CSMD3: variants seen among roughly 807,000 people sequenced by gnomAD.
CSMD3 encodes the protein CUB and sushi domain-containing protein 3.
In CSMD3, 177 loss-of-function variants were observed where a neutral mutation model predicts 435.2. The observed-to-expected ratio is 0.41, with a 90% CI of 0.36 to 0.46. The LOEUF (loss-of-function observed/expected upper bound fraction) is 0.46. Among genes scored for constraint, CSMD3 ranks in the 20% least tolerant of loss-of-function variants. CSMD3 has a pLI of 0.34. For synonymous variants in CSMD3, 1,656 were observed against 1,520.5 expected, an observed-to-expected ratio of 1.09 and a Z score of -2.07; for missense variants, 4,265 against 4,504.6, an observed-to-expected ratio of 0.95 and a Z score of 1.52.
chr8:112,799,109 G>A (rs962062236), intron 13 of CSMD3, among the ~76,000 whole-genome samples: 5 of 151,694 alleles, frequency 3.3e-5, no homozygotes, highest in Non-Finnish European at 5.9e-5. Context: ...AAATTGAGGA[G>A]GAATATATTA....
intron 32 of CSMD3, among the ~76,000 whole-genome samples, chr8:112,410,835 C>T (rs1238162128): frequency 7.4e-5 from 11 of 148,636 alleles, no homozygotes; most frequent in Non-Finnish European, 1.3e-4. Context: ...CATTGCCTTA[C>T]AAAGTAGCCG....
chr8:113,046,127 A>G (rs974168263), intron 5 of CSMD3, among the ~76,000 whole-genome samples: 2 of 149,040 alleles, frequency 1.3e-5, no homozygotes, highest in Admixed American at 1.3e-4. Flanking sequence ...AAGCGCTTCC[A>G]CTATTCTCAT....
chr8:112,224,709 C>T lies in CSMD3; in HGVS notation c.*62G>A, dbSNP rs1812412636. Reference sequence around the variant, plus strand: ...GTGCTTTAATTTGTTTAGCAGTGAACTAAATGTGCACTGTTTTGTGTGTCG... The same window carrying T: ...GTGCTTTAATTTGTTTAGCAGTGAATTAAATGTGCACTGTTTTGTGTGTCG... On this transcript the variant is annotated 3_prime_UTR_variant, in exon 71 of 71. Coordinates refer to ENST00000297405, the MANE Select transcript of CSMD3 (RefSeq NM_198123.2). 1.9e-6 allele frequency: 3 copies of T among 1,556,818 alleles called. No homozygotes were observed. The highest frequency in any genetic ancestry group is 4.5e-5 in the East Asian group (2 of 44,600).
rs992052619 is a variant in CSMD3, at chr8:112,374,590, A to G, written c.6136+5762T>C. On this transcript the variant is annotated intron_variant, in intron 38 of 70. Transcript: ENST00000297405. ...GATTTGATAAAATTATTATTTTTCT[A>G]TATCTTTAAAGGCTTTTTGTAGTGC... Among the ~76,000 whole-genome samples, 6 of 152,128 alleles carry G rather than the reference A, an allele frequency of 3.9e-5. No homozygotes were observed. In the South Asian group the frequency reaches 1.2e-3, roughly 31 times the overall value.
At chr8:112,434,360 G>T (rs1814074811) in intron 32 of CSMD3, among the ~76,000 whole-genome samples, 1 of 152,094 alleles carries the variant, frequency 6.6e-6, no homozygotes, top group East Asian at 1.9e-4. Flanking sequence ...TTGGTTGTTT[G>T]ATTTATAAAT....
At chr8:112,672,723 T>C (rs1050531966) in intron 16 of CSMD3, among the ~76,000 whole-genome samples, 5 of 152,152 alleles carry the variant, frequency 3.3e-5, no homozygotes, top group African/African-American at 4.8e-5. Flanking sequence ...AAATTCAATA[T>C]AGTTCATTTA....
chr8:112,429,660 A>G (rs1813450292), intron 32 of CSMD3, among the ~76,000 whole-genome samples: 1 of 152,046 alleles, frequency 6.6e-6, no homozygotes, highest in Non-Finnish European at 1.5e-5. Context: ...AGAGTTTGAA[A>G]ATAATTTTGG....
chr8:113,034,166 C>G lies in CSMD3; in HGVS notation c.918-14987G>C, dbSNP rs141934437. Among the ~76,000 whole-genome samples, 990 of 151,540 alleles carry G rather than the reference C, an allele frequency of 6.5e-3. 46 individuals carry two copies. Among genetic ancestry groups the G allele is most frequent in the Non-Finnish European group, 6.2e-3 (420 of 67,758 alleles). Reference sequence around the variant, plus strand: ...TGAGAACAGACTAATACAAGGATCTCTCTGTATTATTTATTGCAATTCAAT... The same window carrying G: ...TGAGAACAGACTAATACAAGGATCTGTCTGTATTATTTATTGCAATTCAAT... On this transcript the variant is annotated intron_variant, in intron 5 of 70. Coordinates refer to ENST00000297405, the MANE Select transcript of CSMD3 (RefSeq NM_198123.2).
chr8:113,048,152 G>T (rs1436355722), intron 5 of CSMD3, among the ~76,000 whole-genome samples: 1 of 150,310 alleles, frequency 6.7e-6, no homozygotes, highest in Non-Finnish European at 1.5e-5. Flanking sequence ...GAGTGCAGTG[G>T]CGCGATCTCG....
chr8:112,943,647 T>A, intron 9 of CSMD3, among the ~76,000 whole-genome samples: 1 of 151,766 alleles, frequency 6.6e-6, no homozygotes, highest in African/African-American at 2.4e-5. Context: ...TTTTTATTCC[T>A]TTACAACCTT....
chr8:113,421,601 A>G (rs1160701720), intron 1 of CSMD3, among the ~76,000 whole-genome samples: 1 of 152,166 alleles, frequency 6.6e-6, no homozygotes, highest in Non-Finnish European at 1.5e-5. Flanking sequence ...GCACTTTGGT[A>G]TACTGAATAC....
chr8:112,493,931 C>T (rs1394649667), intron 30 of CSMD3, among the ~76,000 whole-genome samples: 3 of 151,940 alleles, frequency 2.0e-5, no homozygotes, highest in Non-Finnish European at 4.4e-5. Flanking sequence ...TTGTTTTGTG[C>T]TAATAAGAAA....
intron 10 of CSMD3, among the ~76,000 whole-genome samples, chr8:112,907,683 A>G (rs1036852013): frequency 6.6e-6 from 1 of 151,410 alleles, no homozygotes; most frequent in African/African-American, 2.4e-5. Context: ...CTACCTATTT[A>G]GAACAGTGTT....
chr8:112,239,072 T>C (rs1394985293), intron 66 of CSMD3, among the ~76,000 whole-genome samples: 1 of 152,216 alleles, frequency 6.6e-6, no homozygotes, highest in East Asian at 1.9e-4. Flanking sequence ...ACTCGTACAC[T>C]GCTGAGTGTT....
chr8:112,374,777 C>T (rs7820961), intron 38 of CSMD3, among the ~76,000 whole-genome samples: 3,192 of 152,214 alleles, frequency 0.021, 103 homozygotes, highest in African/African-American at 0.072. Context: ...AATAGGTTGC[C>T]ACCTTGTGGT....
At chr8:113,354,226 T>C (rs2094207292) in intron 1 of CSMD3, among the ~76,000 whole-genome samples, 1 of 152,162 alleles carries the variant, frequency 6.6e-6, no homozygotes, top group Non-Finnish European at 1.5e-5. Flanking sequence ...CATAAAATGA[T>C]TTCAACAGGG....
chr8:112,251,907 A>G (rs936344734), intron 63 of CSMD3, among the ~76,000 whole-genome samples: 1 of 151,932 alleles, frequency 6.6e-6, no homozygotes, highest in Non-Finnish European at 1.5e-5. Context: ...TAGTAAAATT[A>G]TTCCAATTTA....
At chr8:112,501,618 T>C (rs1219432491) in intron 30 of CSMD3, among the ~76,000 whole-genome samples, 1 of 152,202 alleles carries the variant, frequency 6.6e-6, no homozygotes, top group Non-Finnish European at 1.5e-5. Flanking sequence ...CTTTAGAGAA[T>C]AATTCGGCAA....
At chr8:112,882,440 C>T (rs1312329805) in intron 10 of CSMD3, among the ~76,000 whole-genome samples, 1 of 152,004 alleles carries the variant, frequency 6.6e-6, no homozygotes, top group African/African-American at 2.4e-5. Context: ...GCTTCCTTTG[C>T]ACATGGATTC....
Sources: gnomAD v4.1 joint callset for allele counts (sites outside exome capture counted in the v4.1 genomes callset) on GRCh38, gnomAD v4.1.1 for gene constraint, MANE v1.5 for transcripts, NCBI Gene and HGNC (gene_info 2026-07-23, HGNC 2026-07-21) for gene names.